The following FRYL variants were observed in gnomAD, a reference collection of about 807,000 sequenced individuals.
The protein encoded by FRYL is protein furry homolog-like.
Under a neutral mutation model 351.2 loss-of-function variants are expected in FRYL, and 150 were observed. The observed-to-expected ratio is 0.43, with a 90% CI of 0.37 to 0.49. The LOEUF is 0.49. Ranked by LOEUF, FRYL falls within the 20% of genes least tolerant of loss-of-function variation. The probability of loss-of-function intolerance (pLI) is 0.00; values close to 1 mark genes in which losing one functional copy is unlikely to be tolerated. For missense variants in FRYL, 3,036 were observed against 3,619.3 expected, an observed-to-expected ratio of 0.84 and a Z score of 4.13; for synonymous variants, 1,153 against 1,257.1, an observed-to-expected ratio of 0.92 and a Z score of 1.75.
intron 2 of FRYL, among the ~76,000 whole-genome samples, chr4:48,700,627 C>A (rs144819907): frequency 4.8e-4 from 72 of 150,686 alleles, no homozygotes; most frequent in Non-Finnish European, 8.1e-4. Context: ...CATAGTAAGA[C>A]CCCATCTCTA....
chr4:48,501,902 TTAAAA>T (rs1319879413), intron 61 of FRYL, among the ~76,000 whole-genome samples, 169 bp from the exon 62 acceptor site: 1 of 152,212 alleles, frequency 6.6e-6, no homozygotes, highest in Non-Finnish European at 1.5e-5. Flanking sequence ...AAGACTAAGA[TTAAAA>T]TAAAAACAAA....
At position 48,590,714 on chromosome 4, in the gene FRYL, A is replaced by T. The variant is rs1743059470; in HGVS notation, c.1452T>A (p.Arg484=). The change falls in exon 17 of 64, where the codon CGT becomes CGA. Residue 484 remains arginine (R), a synonymous_variant. Transcript: ENST00000358350. ...TTTTATTGAGAAATATTTTCTTTAC[A>T]CGAAGAGTATTTCCTGAGGGAAGAA... ...GVILPSGNTL[R]VKKIFLNKTL... is the part of the protein sequence containing the mutation. The T allele has an allele frequency of 6.2e-7, 1 of 1,612,980 alleles. No homozygotes were observed. Among genetic ancestry groups the T allele is most frequent in the African/African-American group, 1.3e-5 (1 of 74,912 alleles).
At position 48,528,130 on chromosome 4, in the gene FRYL, A is replaced by G. The variant is rs1228568712; in HGVS notation, c.7065+45T>C. On this transcript the variant is annotated intron_variant, in intron 51 of 63. Transcript: ENST00000358350. ...AGTTTTCATACCTATAACAAAACTG[A>G]TTCTTCTGTTCTATGAATGTTCCAT... 3 of 1,580,420 alleles carry G rather than the reference A, an allele frequency of 1.9e-6. No individual in the cohort carries two copies. The South Asian group carries it at 3.4e-5, about 18-fold the overall frequency.
intron 31 of FRYL, 85 bp downstream of exon 31, chr4:48,563,863 T>C: frequency 7.1e-7 from 1 of 1,417,614 alleles, no homozygotes; most frequent in Non-Finnish European, 9.6e-7. Flanking sequence ...ACTAAACTGG[T>C]GTCTTCCTAT....
At chr4:48,774,257 T>C (rs2109429323) in intron 1 of FRYL, among the ~76,000 whole-genome samples, 1 of 152,316 alleles carries the variant, frequency 6.6e-6, no homozygotes, top group South Asian at 2.1e-4. Context: ...TTATATGGCA[T>C]ACGAATTATA....
intron 1 of FRYL, among the ~76,000 whole-genome samples, chr4:48,744,932 T>C (rs148406542): frequency 2.0e-5 from 3 of 152,332 alleles, no homozygotes; most frequent in African/African-American, 7.2e-5. Context: ...AGTGCTTCTG[T>C]GTACAAAGAA....
chr4:48,777,544 A>C (rs1383215178), intron 1 of FRYL, among the ~76,000 whole-genome samples: 2 of 152,244 alleles, frequency 1.3e-5, no homozygotes, highest in African/African-American at 4.8e-5. Context: ...TTCATAACTC[A>C]AGAAATGTGT....
intron 5 of FRYL, among the ~76,000 whole-genome samples, chr4:48,622,402 C>T (rs1355591309): frequency 2.0e-5 from 3 of 152,088 alleles, no homozygotes; most frequent in Admixed American, 6.6e-5. Flanking sequence ...ATCAGAATCA[C>T]CTAGGAAGCT....
intron 55 of FRYL, among the ~76,000 whole-genome samples, chr4:48,516,750 G>T (rs1349039043): frequency 6.6e-6 from 1 of 152,164 alleles, no homozygotes; most frequent in Non-Finnish European, 1.5e-5. Flanking sequence ...TAGTCTAACA[G>T]GGTTAGGCTA....
At chr4:48,513,974 C>T (rs181857957) in intron 56 of FRYL, among the ~76,000 whole-genome samples, 1 of 152,244 alleles carries the variant, frequency 6.6e-6, no homozygotes, top group East Asian at 1.9e-4. Context: ...GCATGGGCTA[C>T]TGCCATATTC....
At chr4:48,501,556 G>A in intron 62 of FRYL, 67 bp downstream of exon 62, 1 of 850,364 alleles carries the variant, frequency 1.2e-6, no homozygotes. Flanking sequence ...ATTTTAACAA[G>A]TAATAGATTT....
intron 24 of FRYL, 33 bp from the exon 25 acceptor site, chr4:48,575,274 C>T (rs2149129004): frequency 6.2e-7 from 1 of 1,602,166 alleles, no homozygotes; most frequent in Non-Finnish European, 8.5e-7. Flanking sequence ...GTAACAGCCA[C>T]TAATGATACT....
rs1283540646 is a variant in FRYL at position 48,540,751 on chromosome 4, C to T, written c.5897G>A (p.Arg1966Gln). The T allele has an allele frequency of 5.0e-6, 8 of 1,613,828 alleles. No individual in the cohort carries two copies. The highest frequency in any genetic ancestry group is 2.2e-5 in the East Asian group (1 of 44,900). Residue 1966 changes from arginine (R) to glutamine (Q), a missense_variant, in exon 46 of 64, where the codon CGG (arginine) becomes CAG (glutamine). Physicochemically the swap from Arg to Gln is conservative, Grantham distance 43 (BLOSUM62 1). Transcript: ENST00000358350. ...TGCTAAACTACTGCTATGGTTTATC[C>T]GTCCATCCATTATATCCAGTGTGTT... The part of the protein sequence containing the change: ...RSNTLDIMDG[R>Q]INHSSSLART...
Position 48,572,019 on chromosome 4 carries a change from T to C in FRYL, c.2905-1101A>G, listed in dbSNP as rs10020586. 303 of 982,766 alleles carry C rather than the reference T, an allele frequency of 3.1e-4. 1 individual carries two copies. The African/African-American group carries it at 5.1e-3, about 16-fold the overall frequency. The allele number at this position is 982,766 out of a possible 1,614,324, so 60.9% of individuals were successfully genotyped here. On this transcript the variant is annotated intron_variant, in intron 26 of 63. Coordinates refer to ENST00000358350, the MANE Select transcript of FRYL (RefSeq NM_015030.2). ...AACAAAAATCAAATCAATGACAAAATAGGAATACTATCATGACCCTACAGT... is the reference window on the plus strand; with the variant it reads ...AACAAAAATCAAATCAATGACAAAACAGGAATACTATCATGACCCTACAGT...
At chr4:48,580,043 G>C (rs1322372136) in intron 22 of FRYL, among the ~76,000 whole-genome samples, 1 of 128,282 alleles carries the variant, frequency 7.8e-6, no homozygotes, top group Non-Finnish European at 1.6e-5. Flanking sequence ...TTTTTAAAAA[G>C]TTTAGCATCA....
chr4:48,578,604 T>C (rs1740204374), intron 23 of FRYL, among the ~76,000 whole-genome samples: 1 of 152,226 alleles, frequency 6.6e-6, no homozygotes, highest in African/African-American at 2.4e-5. Flanking sequence ...GTAAGGCCAC[T>C]GAGCTGAGTT....
chr4:48,527,462 A>C lies in FRYL; in HGVS notation c.7317+15T>G, dbSNP rs776602341. ...CTGTTCTATAAATATTAACAGAGAA[A>C]GCCCACATCCTTACCTCTGCATCTT... On this transcript the variant is annotated intron_variant, in intron 53 of 63. Coordinates refer to ENST00000358350, the MANE Select transcript of FRYL (RefSeq NM_015030.2). The C allele has an allele frequency of 1.3e-6, 2 of 1,593,440 alleles. No homozygotes were observed. The highest frequency in any genetic ancestry group is 1.7e-6 in the Non-Finnish European group (2 of 1,167,710).
At chr4:48,776,719 G>T (rs540910274) in intron 1 of FRYL, among the ~76,000 whole-genome samples, 45 of 152,278 alleles carry the variant, frequency 3.0e-4, no homozygotes, top group African/African-American at 1.1e-3. Context: ...CTGTCACTAT[G>T]TAACAATAGT....
chr4:48,741,633 T>C (rs1363980703), intron 1 of FRYL, among the ~76,000 whole-genome samples: 2 of 151,806 alleles, frequency 1.3e-5, no homozygotes, highest in Admixed American at 6.6e-5. Context: ...GAGGTGGAGG[T>C]TGCAGTGAAC....
Sources: allele counts gnomAD v4.1 joint callset (sites outside exome capture counted in the v4.1 genomes callset), GRCh38; gene constraint gnomAD v4.1.1; transcripts MANE v1.5; gene names NCBI Gene and HGNC (gene_info 2026-07-23, HGNC 2026-07-21).